DSC2: variants seen among roughly 807,000 people sequenced by gnomAD.
DSC2 encodes the protein desmocollin-2.
DSC2 carries 51 observed loss-of-function variants against 87.6 expected under a neutral mutation model. The ratio of observed to expected loss-of-function variants is 0.58; its 90% confidence interval spans 0.46 to 0.74. The LOEUF is 0.74. Among genes scored for constraint, DSC2 ranks in the 30% least tolerant of loss-of-function variants. DSC2 has a pLI of 0.00. For missense variants in DSC2, 1,066 were observed against 1,089.5 expected (o/e 0.98, Z 0.30); for synonymous variants, 383 against 393.2 (o/e 0.97, Z 0.31).
intron 2 of DSC2, 46 bp from the exon 3 acceptor site, chr18:31,092,346 A>T: frequency 1.3e-6 from 2 of 1,540,542 alleles, no homozygotes; most frequent in Non-Finnish European, 1.8e-6. Context: ...AAAACATAGG[A>T]TATAGTTTTA....
In DSC2 at chr18:31,093,502, T is replaced by C. The variant is rs545409862; in HGVS notation, c.154+57A>G. 1.3e-5 allele frequency: 17 copies of C among 1,353,966 alleles called. No homozygotes were observed. The South Asian group carries it at 1.8e-4, about 14-fold the overall frequency. The allele number at this position is 1,353,966 out of a possible 1,614,324, so 83.9% of individuals were successfully genotyped here. A position where few individuals can be genotyped will look rare whatever the true frequency, so the allele number is the denominator to read the frequency against. On this transcript the variant is annotated intron_variant, in intron 2 of 15. Transcript: ENST00000280904. ...CTTTTTATGGCTGTGTAGTATTCCA[T>C]GGCGTATATGTACCACAGCAAAACA...
intron 5 of DSC2, among the ~76,000 whole-genome samples, chr18:31,089,111 G>A (rs551701898): frequency 3.4e-5 from 5 of 147,048 alleles, no homozygotes; most frequent in African/African-American, 1.3e-4. Flanking sequence ...ATTGCAGTGA[G>A]CCGAGATTAC....
At chr18:31,085,485 A>G (rs1411314224) in intron 7 of DSC2, among the ~76,000 whole-genome samples, 3 of 151,388 alleles carry the variant, frequency 2.0e-5, no homozygotes, top group Non-Finnish European at 1.5e-5. Context: ...AAATTAATAT[A>G]TAATTTAAAC....
At chr18:31,091,467 G>C (rs752326376) in intron 3 of DSC2, 233 of 490,014 alleles carry the variant, frequency 4.8e-4, no homozygotes, top group Non-Finnish European at 8.2e-4. Context: ...ATGGGAGAGA[G>C]ATATGCAAAG....
chr18:31,082,412 T>C lies in DSC2; in HGVS notation c.1089A>G (p.Ser363=). The C allele has an allele frequency of 6.2e-7, 1 of 1,613,334 alleles. No individual in the cohort carries two copies. Among genetic ancestry groups the C allele is most frequent in the Non-Finnish European group, 8.5e-7 (1 of 1,179,910 alleles). ...CCACATCAACTGTATTTTCTTCCAC[T>C]GATGTCACATACTAAAATAATAAAA... The part of the protein sequence containing the change: ...PTFTRTSYVT[S]VEENTVDVEI... Residue 363 remains serine (S), a synonymous_variant, in exon 9 of 16, where the codon TCA becomes TCG. Coordinates refer to ENST00000280904, the MANE Select transcript of DSC2 (RefSeq NM_024422.6).
intron 14 of DSC2, 127 bp from the exon 15 acceptor site, chr18:31,069,278 G>A (rs1986747655): frequency 5.8e-6 from 7 of 1,206,876 alleles, no homozygotes; most frequent in Non-Finnish European, 8.2e-6. Flanking sequence ...CTGAGAGCAG[G>A]AACTAAATCT....
At chr18:31,099,379 A>G (rs1391779538) in intron 1 of DSC2, among the ~76,000 whole-genome samples, 2 of 152,200 alleles carry the variant, frequency 1.3e-5, no homozygotes, top group African/African-American at 4.8e-5. Context: ...TTGCTGTTTA[A>G]TGGATATAAA....
chr18:31,089,981 G>A (rs544696947), intron 4 of DSC2, among the ~76,000 whole-genome samples: 3 of 152,032 alleles, frequency 2.0e-5, no homozygotes, highest in Non-Finnish European at 2.9e-5. Flanking sequence ...TTTAAGAACC[G>A]AGTTTAAAGT....
intron 12 of DSC2, among the ~76,000 whole-genome samples, chr18:31,073,494 T>A (rs1261234817): frequency 2.0e-5 from 3 of 152,182 alleles, no homozygotes; most frequent in African/African-American, 7.2e-5. Context: ...CTTATTTCTA[T>A]AAGTCTTCAT....
At position 31,086,625 on chromosome 18, in the gene DSC2, T is replaced by A. The variant is rs397517407; in HGVS notation, c.893A>T (p.His298Leu). The change falls in exon 7 of 16, where the codon CAT becomes CTT. Residue 298 changes from histidine to leucine, a missense_variant. Physicochemically the swap from His to Leu is moderately conservative, Grantham distance 99. Transcript: ENST00000280904. ...TGTGGTGATCACGCCTGTAGTTGGA[T>A]GCATAGAAAATAGGGTGGGTGATGG... ...VPPSPTLFSM[H>L]PTTGVITTTS... The A allele has an allele frequency of 6.2e-7, 1 of 1,614,046 alleles. No individual in the cohort carries two copies. Among genetic ancestry groups the A allele is most frequent in the Non-Finnish European group, 8.5e-7 (1 of 1,180,026 alleles).
intron 14 of DSC2, among the ~76,000 whole-genome samples, chr18:31,069,555 A>T (rs1386066401): frequency 1.3e-5 from 2 of 152,086 alleles, no homozygotes; most frequent in East Asian, 3.9e-4. Context: ...TCTCTACTAA[A>T]AATACAAAAA....
At chr18:31,079,112 G>A (rs1987116695) in intron 11 of DSC2, among the ~76,000 whole-genome samples, 1 of 152,116 alleles carries the variant, frequency 6.6e-6, no homozygotes, top group South Asian at 2.1e-4. Context: ...AGTTAGAGCT[G>A]TTTTCCAGGA....
Position 31,059,848 on chromosome 18 carries a change from C to G in DSC2, c.*8167G>C, listed in dbSNP as rs774762858. ...CAAAATAAAATGATTGCATGATATT[C>G]CATCATCATATCACAATAGTGATAG... On this transcript the variant is annotated 3_prime_UTR_variant, in exon 16 of 16. Transcript: ENST00000280904. The G allele has an allele frequency of 3.9e-5, 6 of 152,116 alleles. No individual in the cohort carries two copies. Among genetic ancestry groups the G allele is most frequent in the Non-Finnish European group, 5.9e-5 (4 of 68,018 alleles). 9.4% of individuals were successfully genotyped at this position (152,116 alleles called of 1,614,324 possible).
At chr18:31,091,516 G>A (rs1270757587) in intron 3 of DSC2, 2 of 462,518 alleles carry the variant, frequency 4.3e-6, no homozygotes, top group Non-Finnish European at 8.6e-6. Context: ...TTTAGCACAA[G>A]CAACTTCCAC....
intron 2 of DSC2, 111 bp from the exon 3 acceptor site, chr18:31,092,411 A>G: frequency 4.5e-6 from 4 of 891,582 alleles, no homozygotes; most frequent in Non-Finnish European, 7.2e-6. Context: ...TTATACTGAC[A>G]CTTGTAAATT....
chr18:31,081,250 A>G (rs1176311962), intron 9 of DSC2, among the ~76,000 whole-genome samples: 1 of 152,104 alleles, frequency 6.6e-6, no homozygotes, highest in Non-Finnish European at 1.5e-5. Context: ...TGGGCATCAT[A>G]TTTTCTTTTT....
At chr18:31,089,285 A>AT (rs1987509754) in intron 5 of DSC2, among the ~76,000 whole-genome samples, 154 bp downstream of exon 5, 1 of 152,036 alleles carries the variant, frequency 6.6e-6, no homozygotes, top group Non-Finnish European at 1.5e-5. Context: ...CTATGAAAAT[A>AT]TTTTTTGTTT....
At chr18:31,087,142 A>C (rs1011366450) in intron 6 of DSC2, among the ~76,000 whole-genome samples, 7 of 152,214 alleles carry the variant, frequency 4.6e-5, no homozygotes, top group Non-Finnish European at 7.3e-5. Flanking sequence ...CAAGGTCTCC[A>C]AAACTGCATT....
At chr18:31,079,126 C>T (rs1987117866) in intron 11 of DSC2, among the ~76,000 whole-genome samples, 1 of 152,146 alleles carries the variant, frequency 6.6e-6, no homozygotes, top group Non-Finnish European at 1.5e-5. Flanking sequence ...TCCAGGACTG[C>T]ACTGTGTAAG....
Sources: gnomAD v4.1 joint callset for allele counts (sites outside exome capture counted in the v4.1 genomes callset) on GRCh38, gnomAD v4.1.1 for gene constraint, MANE v1.5 for transcripts, NCBI Gene and HGNC (gene_info 2026-07-23, HGNC 2026-07-21) for gene names.